Variants in FBXO36 observed in about 807,000 individuals in gnomAD.
The protein encoded by FBXO36 is F-box protein 36, also known as F-box only protein 36.
FBXO36 carries 18 observed loss-of-function variants against 17.0 expected under a neutral mutation model. That is an observed-to-expected ratio of 1.06 (90% CI 0.73 to 1.57). The LOEUF is 1.57. Ranked by LOEUF, FBXO36 falls within the 40% of genes most tolerant of loss-of-function variation. The probability of loss-of-function intolerance (pLI) is 0.00; values close to 1 mark genes in which losing one functional copy is unlikely to be tolerated. For synonymous variants in FBXO36, 83 were observed against 85.3 expected, an observed-to-expected ratio of 0.97 and a Z score of 0.15; for missense variants, 229 against 221.9, an observed-to-expected ratio of 1.03 and a Z score of -0.20.
chr2:229,959,398 C>T (rs774068560), intron 1 of FBXO36, among the ~76,000 whole-genome samples: 1 of 152,070 alleles, frequency 6.6e-6, no homozygotes, highest in African/African-American at 2.4e-5. Context: ...TGTGCAAAAT[C>T]TTGTGCAAGT....
At chr2:229,931,906 GTA>G (rs2076940184) in intron 1 of FBXO36, among the ~76,000 whole-genome samples, 1 of 143,576 alleles carries the variant, frequency 7.0e-6, no homozygotes, top group South Asian at 2.2e-4. Flanking sequence ...TTTTTTGCTT[GTA>G]TATGTGTATA....
chr2:229,931,529 G>A (rs919119014), intron 1 of FBXO36, among the ~76,000 whole-genome samples: 1 of 152,156 alleles, frequency 6.6e-6, no homozygotes, highest in Admixed American at 6.6e-5. Context: ...AGATCACTAA[G>A]CTTTATCCCA....
At chr2:229,931,981 A>G (rs1466912332) in intron 1 of FBXO36, among the ~76,000 whole-genome samples, 5 of 149,274 alleles carry the variant, frequency 3.3e-5, no homozygotes, top group Non-Finnish European at 4.4e-5. Flanking sequence ...CAGTGGTGCA[A>G]TCATAGCTCA....
chr2:229,953,863 T>C (rs1230518788), intron 1 of FBXO36, among the ~76,000 whole-genome samples: 1 of 152,034 alleles, frequency 6.6e-6, no homozygotes, highest in Non-Finnish European at 1.5e-5. Context: ...TCAACGTAAT[T>C]ATTTCTTTTT....
intron 1 of FBXO36, among the ~76,000 whole-genome samples, chr2:229,938,220 T>C (rs992798401): frequency 2.2e-5 from 3 of 136,340 alleles, no homozygotes; most frequent in South Asian, 2.4e-4. Context: ...AACTTTCTTT[T>C]TTTTTTTTTT....
intron 1 of FBXO36, among the ~76,000 whole-genome samples, chr2:229,939,618 G>C (rs1191011343): frequency 6.6e-6 from 1 of 151,918 alleles, no homozygotes; most frequent in African/African-American, 2.4e-5. Flanking sequence ...CTCAAAAAAA[G>C]AGAGAGAAAT....
chr2:229,932,108 C>T (rs773570736), intron 1 of FBXO36, among the ~76,000 whole-genome samples: 22 of 151,478 alleles, frequency 1.5e-4, no homozygotes, highest in Non-Finnish European at 2.5e-4. Flanking sequence ...TTAGGCTGGG[C>T]GCAGTAGTCA....
At chr2:229,971,311 C>T (rs6749714) in intron 1 of FBXO36, among the ~76,000 whole-genome samples, 3,756 of 150,564 alleles carry the variant, frequency 0.025, 171 homozygotes, top group African/African-American at 0.087. Flanking sequence ...GCAGAGATCA[C>T]GCCACTGAAC....
rs2077416544 is a variant in FBXO36 at position 230,011,606 on chromosome 2, T to TTTTTC, written c.*726_*727insCTTTT. 6.7e-6 allele frequency: 1 copy of TTTTTC among 149,514 alleles called. No homozygotes were observed. The highest frequency in any genetic ancestry group is 6.7e-5 in the Admixed American group (1 of 14,932). The allele number at this position is 149,514 out of a possible 1,614,324, so 9.3% of individuals were successfully genotyped here. ...AACATTTCTTTTCTTTTCTTTTTTTTTTTTTTTTTGTATTTTCTTTTTAGT... is the reference window on the plus strand; with the variant it reads ...AACATTTCTTTTCTTTTCTTTTTTTTTTTTCTTTTTTTTTGTATTTTCTTTTTAGT... On this transcript the variant is annotated 3_prime_UTR_variant, in exon 4 of 4. Transcript: ENST00000283946.
chr2:229,947,738 G>C (rs544625241), intron 1 of FBXO36, among the ~76,000 whole-genome samples: 3 of 152,328 alleles, frequency 2.0e-5, no homozygotes, highest in East Asian at 3.9e-4. Context: ...AGAAAGTCTA[G>C]AATGACTCAA....
chr2:229,943,127 T>C (rs756214169), intron 1 of FBXO36: 4 of 152,270 alleles, frequency 2.6e-5, no homozygotes, highest in Non-Finnish European at 5.9e-5. Flanking sequence ...GGTCCAGCAG[T>C]CATGCTGTCA....
intron 1 of FBXO36, among the ~76,000 whole-genome samples, chr2:229,943,534 T>C (rs963263229): frequency 4.6e-5 from 7 of 151,654 alleles, no homozygotes; most frequent in Non-Finnish European, 1.0e-4. Flanking sequence ...AGTTCATAAA[T>C]CATGGTGGCT....
At chr2:229,928,256 T>A (rs1183660664) in intron 1 of FBXO36, among the ~76,000 whole-genome samples, 1 of 152,186 alleles carries the variant, frequency 6.6e-6, no homozygotes, top group East Asian at 1.9e-4. Flanking sequence ...GTAGACCAAA[T>A]AAAATCTTTA....
At chr2:229,998,657 G>A (rs74188614) in intron 3 of FBXO36, among the ~76,000 whole-genome samples, 30,131 of 151,016 alleles carry the variant, frequency 0.2, 3,366 homozygotes, top group East Asian at 0.44. Flanking sequence ...TGAGTGTCAT[G>A]GCATGCCCCT....
intron 2 of FBXO36, among the ~76,000 whole-genome samples, chr2:229,984,450 G>C (rs1412818026): frequency 3.1e-5 from 2 of 64,568 alleles, no homozygotes; most frequent in Admixed American, 3.7e-4. Context: ...GAGTGCAGTG[G>C]CGTGATCTCG....
At chr2:229,954,322 A>G (rs1211045798) in intron 1 of FBXO36, among the ~76,000 whole-genome samples, 1 of 134,528 alleles carries the variant, frequency 7.4e-6, no homozygotes, top group Non-Finnish European at 1.5e-5. Flanking sequence ...AGCTCACTGC[A>G]ACCTCCGCCC....
intron 1 of FBXO36, among the ~76,000 whole-genome samples, chr2:229,945,510 T>A (rs1019668653): frequency 3.9e-5 from 6 of 151,970 alleles, no homozygotes; most frequent in Admixed American, 6.6e-5. Flanking sequence ...TTCACCATGT[T>A]GGCCAGGCTG....
intron 1 of FBXO36, among the ~76,000 whole-genome samples, chr2:229,963,274 C>T (rs575737669): frequency 1.4e-4 from 21 of 151,396 alleles, no homozygotes; most frequent in Non-Finnish European, 2.5e-4. Context: ...CCATATTGGC[C>T]AGGATGGTTT....
intron 1 of FBXO36, among the ~76,000 whole-genome samples, chr2:229,937,134 T>C (rs1169352610): frequency 6.6e-6 from 1 of 152,118 alleles, no homozygotes; most frequent in Non-Finnish European, 1.5e-5. Flanking sequence ...ATTTCAGCGA[T>C]TTTGTAAGAA....
Sources: allele counts gnomAD v4.1 joint callset (sites outside exome capture counted in the v4.1 genomes callset), GRCh38; gene constraint gnomAD v4.1.1; transcripts MANE v1.5; gene names NCBI Gene and HGNC (gene_info 2026-07-23, HGNC 2026-07-21).